Variants in TLL2 observed in about 807,000 individuals in gnomAD.
The protein encoded by TLL2 is tolloid like 2, also known as tolloid-like protein 2.
TLL2 carries 106 observed loss-of-function variants against 123.0 expected under a neutral mutation model. That is an observed-to-expected ratio of 0.86 (90% CI 0.74 to 1.01). The LOEUF (loss-of-function observed/expected upper bound fraction) is 1.01. Ranked by LOEUF, TLL2 falls within the 50% of genes least tolerant of loss-of-function variation. The pLI is 0.00. For missense variants in TLL2, 1,332 were observed against 1,336.7 expected (o/e 1.00, Z 0.06); for synonymous variants, 494 against 516.8 (o/e 0.96, Z 0.60).
chr10:96,409,751 G>A lies in TLL2; in HGVS notation c.1164+608C>T, dbSNP rs942110884. Among the ~76,000 whole-genome samples the A allele has an allele frequency of 2.6e-5, 4 of 152,232 alleles. No homozygotes were observed. The East Asian group carries it at 7.7e-4, about 29-fold the overall frequency. On this transcript the variant is annotated intron_variant, in intron 9 of 20. Coordinates refer to ENST00000357947, the MANE Select transcript of TLL2 (RefSeq NM_012465.4). ...CACCCAGAGCTTGCCCAGGTCCTAC[G>A]CCACACTCCAGGAATCCAGGAATTC... is the stretch of plus-strand genomic sequence containing the variant.
At chr10:96,407,669 A>T (rs1846464020) in intron 9 of TLL2, among the ~76,000 whole-genome samples, 1 of 152,232 alleles carries the variant, frequency 6.6e-6, no homozygotes, top group Non-Finnish European at 1.5e-5. Context: ...ATTAGTGTTG[A>T]GTGCCCATCC....
At chr10:96,432,191 A>G (rs1234821449) in intron 4 of TLL2, among the ~76,000 whole-genome samples, 1 of 152,200 alleles carries the variant, frequency 6.6e-6, no homozygotes, top group East Asian at 1.9e-4. Flanking sequence ...GCACCACTCT[A>G]AGCGCTTTAT....
chr10:96,437,467 TACC>T (rs1220139552), intron 3 of TLL2, among the ~76,000 whole-genome samples: 1 of 152,244 alleles, frequency 6.6e-6, no homozygotes, highest in African/African-American at 2.4e-5. Flanking sequence ...TTTGTGTATC[TACC>T]ACCACATTCA....
chr10:96,458,929 C>G (rs1847045737), intron 2 of TLL2, among the ~76,000 whole-genome samples: 1 of 151,930 alleles, frequency 6.6e-6, no homozygotes, highest in Non-Finnish European at 1.5e-5. Context: ...ACCCTTGTCT[C>G]TACAAAAAAA....
At chr10:96,384,004 T>C (rs899453002) in intron 16 of TLL2, among the ~76,000 whole-genome samples, 3 of 152,152 alleles carry the variant, frequency 2.0e-5, no homozygotes, top group Admixed American at 6.5e-5. Flanking sequence ...TGTGGAACCT[T>C]AGAATGTGAT....
intron 2 of TLL2, among the ~76,000 whole-genome samples, chr10:96,460,292 T>C (rs1847068182): frequency 6.6e-6 from 1 of 152,210 alleles, no homozygotes; most frequent in Non-Finnish European, 1.5e-5. Flanking sequence ...AATTCTAATT[T>C]AGTAGATGCT....
chr10:96,479,008 C>T (rs1399213144), intron 2 of TLL2, among the ~76,000 whole-genome samples: 1 of 152,146 alleles, frequency 6.6e-6, no homozygotes, highest in South Asian at 2.1e-4. Flanking sequence ...TCAGCTTCTC[C>T]AGGCCTCCAG....
intron 18 of TLL2, among the ~76,000 whole-genome samples, 176 bp downstream of exon 18, chr10:96,376,516 C>T (rs891694582): frequency 2.0e-5 from 3 of 152,250 alleles, no homozygotes; most frequent in African/African-American, 7.2e-5. Context: ...ATCTGCACAA[C>T]AGCCCGATGA....
rs920855955 is a variant in TLL2, at chr10:96,390,110, G to T, written c.1727-3032C>A. 3.9e-5 allele frequency among the ~76,000 whole-genome samples: 6 copies of T among 152,390 alleles called. No individual in the cohort carries two copies. In the East Asian group the frequency reaches 1.2e-3, roughly 29 times the overall value. ...TAGAAGAGACTGGAAGCAGCATTCA[G>T]CTTAGCATAGCAGGAGCTCTGGAGT... On this transcript the variant is annotated intron_variant, in intron 13 of 20. Coordinates refer to ENST00000357947, the MANE Select transcript of TLL2 (RefSeq NM_012465.4).
chr10:96,490,025 G>T (rs1847395955), intron 1 of TLL2, among the ~76,000 whole-genome samples: 1 of 151,756 alleles, frequency 6.6e-6, no homozygotes, highest in African/African-American at 2.4e-5. Flanking sequence ...GAACCCAGGA[G>T]GTGGAGGTTA....
intron 3 of TLL2, among the ~76,000 whole-genome samples, chr10:96,441,057 T>G (rs766252173): frequency 1.3e-5 from 2 of 152,220 alleles, no homozygotes; most frequent in Non-Finnish European, 2.9e-5. Flanking sequence ...AAAGCCCATT[T>G]AAATTCTCTG....
intron 5 of TLL2, among the ~76,000 whole-genome samples, chr10:96,427,949 C>T (rs923898771): frequency 2.0e-5 from 3 of 152,018 alleles, no homozygotes; most frequent in Non-Finnish European, 4.4e-5. Flanking sequence ...CATGTGCCAC[C>T]ACACCTGGCT....
chr10:96,455,032 G>A (rs1846998245), intron 2 of TLL2, among the ~76,000 whole-genome samples: 1 of 152,014 alleles, frequency 6.6e-6, no homozygotes, highest in Non-Finnish European at 1.5e-5. Flanking sequence ...TTCCCCATAT[G>A]GTGCTTGCCC....
At chr10:96,444,845 C>A (rs1290132083) in intron 3 of TLL2, among the ~76,000 whole-genome samples, 1 of 152,156 alleles carries the variant, frequency 6.6e-6, no homozygotes, top group Non-Finnish European at 1.5e-5. Context: ...ATAATGATTT[C>A]TATTTCATTC....
intron 3 of TLL2, among the ~76,000 whole-genome samples, chr10:96,435,766 C>T (rs774622424): frequency 1.3e-5 from 2 of 152,278 alleles, no homozygotes; most frequent in Middle Eastern, 3.4e-3. Flanking sequence ...AATCAACTGG[C>T]CATCCTTTCC....
intron 9 of TLL2, among the ~76,000 whole-genome samples, chr10:96,407,037 T>C (rs1024613371): frequency 6.6e-6 from 1 of 151,998 alleles, no homozygotes; most frequent in Non-Finnish European, 1.5e-5. Flanking sequence ...CACTGGGGCT[T>C]CTAGATCAAT....
Position 96,513,782 on chromosome 10 carries a change from G to T in TLL2, c.-97C>A. The T allele has an allele frequency of 7.8e-7, 1 of 1,280,656 alleles. No individual in the cohort carries two copies. Among genetic ancestry groups the T allele is most frequent in the South Asian group, 1.6e-5 (1 of 61,868 alleles). 79.3% of individuals were successfully genotyped at this position (1,280,656 alleles called of 1,614,324 possible). On this transcript the variant is annotated 5_prime_UTR_variant, in exon 1 of 21. Transcript: ENST00000357947. The stretch of plus-strand genomic sequence containing the variant: ...CACTGGGTCGGTCGGCTCCGGCCGG[G>T]ACTCGGTGGTTACACAGGGCTGCTG...
intron 1 of TLL2, among the ~76,000 whole-genome samples, chr10:96,487,827 C>T (rs1847372425): frequency 6.6e-6 from 1 of 152,152 alleles, no homozygotes; most frequent in African/African-American, 2.4e-5. Context: ...AGCATCTACT[C>T]AACTTCCCAG....
intron 5 of TLL2, among the ~76,000 whole-genome samples, chr10:96,426,458 T>C (rs1846678531): frequency 6.6e-6 from 1 of 152,182 alleles, no homozygotes; most frequent in Non-Finnish European, 1.5e-5. Flanking sequence ...TCTTTCTCTA[T>C]GCTCTAAAAA....
Sources: gnomAD v4.1 joint callset for allele counts (sites outside exome capture counted in the v4.1 genomes callset) on GRCh38, gnomAD v4.1.1 for gene constraint, MANE v1.5 for transcripts, NCBI Gene and HGNC (gene_info 2026-07-23, HGNC 2026-07-21) for gene names.